The following RFX2 variants were observed in gnomAD, a reference collection of about 807,000 sequenced individuals.
The protein encoded by RFX2 is regulatory factor X2.
Under a neutral mutation model 87.8 loss-of-function variants are expected in RFX2, and 20 were observed. The observed-to-expected ratio is 0.23, with a 90% CI of 0.16 to 0.33. The LOEUF (loss-of-function observed/expected upper bound fraction) is 0.33, where lower values mean the gene tolerates loss of function less well. RFX2 is among the 10% of genes least tolerant of loss of function. The pLI, the probability that RFX2 is intolerant of heterozygous loss-of-function variation, is 1.00. For synonymous variants in RFX2, 397 were observed against 431.3 expected (o/e 0.92, Z 0.98); for missense variants, 767 against 1,012.3 (o/e 0.76, Z 3.29).
intron 1 of RFX2, among the ~76,000 whole-genome samples, chr19:6,075,656 G>A (rs72991069): frequency 0.019 from 2,907 of 152,246 alleles, 43 homozygotes; most frequent in Middle Eastern, 0.041. Context: ...GGAAGCCCGT[G>A]GTCTGGGGAG....
rs542965467 is a variant in RFX2, at chr19:5,998,388, A to C, written c.1860-1175T>G. On this transcript the variant is annotated intron_variant, in intron 15 of 17. Transcript: ENST00000303657. The surrounding 1 kb of genome is among the most constrained non-coding windows in gnomAD (Gnocchi z 4.2). ...CTTATATACAGTGGCACCTGATTAA[A>C]AACTTTGGCCTACAAGCCAGGCGGC... 4.1e-4 allele frequency among the ~76,000 whole-genome samples: 63 copies of C among 152,312 alleles called. No homozygotes were observed. Among genetic ancestry groups the C allele is most frequent in the African/African-American group, 1.5e-3 (61 of 41,562 alleles).
chr19:6,046,563 CAA>C (rs553142802), intron 2 of RFX2, among the ~76,000 whole-genome samples: 10 of 117,062 alleles, frequency 8.5e-5, no homozygotes, highest in Middle Eastern at 4.2e-3. Flanking sequence ...CGTCCCCCCC[CAA>C]AAAAAAAAAA....
In RFX2 at chr19:6,002,642, C is replaced by T. The variant is rs2288850; in HGVS notation, c.1650+79G>A. 5.3e-4 allele frequency: 828 copies of T among 1,557,258 alleles called. 9 individuals carry two copies. The East Asian group carries it at 0.014, about 26-fold the overall frequency. On this transcript the variant is annotated intron_variant, in intron 14 of 17. Coordinates refer to ENST00000303657, the MANE Select transcript of RFX2 (RefSeq NM_000635.4). This position sits in a 1 kb window ranked among gnomAD's most constrained non-coding sequence, Gnocchi z 6.7. ...TCGGGGCAGGGGCCAGGTTGTGCCA[C>T]GGGCTCCACTTGGTGGGTTTGCTGG...
chr19:6,098,112 G>A (rs966459304), intron 1 of RFX2, among the ~76,000 whole-genome samples: 1 of 152,030 alleles, frequency 6.6e-6, no homozygotes, highest in Admixed American at 6.6e-5. Context: ...TGAATGACTC[G>A]ATAAATGACG....
At position 6,016,024 on chromosome 19, in the gene RFX2, T is replaced by A. The variant is rs902618953; in HGVS notation, c.779+66A>T. On this transcript the variant is annotated intron_variant, in intron 7 of 17. Coordinates refer to ENST00000303657, the MANE Select transcript of RFX2 (RefSeq NM_000635.4). The surrounding 1 kb of genome is among the most constrained non-coding windows in gnomAD (Gnocchi z 5.4). ...GAAAGGAGGAGGAAGCCTCGCATTT[T>A]CCCAAAAGCTCCATTTCTTGGGAAA... The A allele has an allele frequency of 2.3e-5, 33 of 1,464,542 alleles. 3 individuals are homozygous for A. In the South Asian group the frequency reaches 4.5e-4, roughly 20 times the overall value. The allele number at this position is 1,464,542 out of a possible 1,614,324, so 90.7% of individuals were successfully genotyped here. A position where few individuals can be genotyped will look rare whatever the true frequency, so the allele number is the denominator to read the frequency against.
rs1401673673 is a variant in RFX2 at position 6,022,492 on chromosome 19, G to T, written c.597+3671C>A. Reference sequence around the variant, plus strand: ...CACCTCATGGTGACAGAGACTCGGTGAACCTGCTACGGGGTCCCGGTCGGC... The same window carrying T: ...CACCTCATGGTGACAGAGACTCGGTTAACCTGCTACGGGGTCCCGGTCGGC... On this transcript the variant is annotated intron_variant, in intron 6 of 17. Transcript: ENST00000303657. The surrounding 1 kb of genome is among the most constrained non-coding windows in gnomAD (Gnocchi z 6.2). Among the ~76,000 whole-genome samples, 1 of 152,256 alleles carries T rather than the reference G, an allele frequency of 6.6e-6. No homozygotes were observed. Among genetic ancestry groups the T allele is most frequent in the Non-Finnish European group, 1.5e-5 (1 of 68,050 alleles).
chr19:6,075,268 A>AAGGTGGAGG (rs1320952484), intron 1 of RFX2, among the ~76,000 whole-genome samples: 1 of 148,998 alleles, frequency 6.7e-6, no homozygotes, highest in African/African-American at 2.6e-5. Flanking sequence ...AGAGGAGGAG[A>AAGGTGGAGG]AGGTGGAGGA....
At chr19:6,037,299 AAAAAAAG>A (rs1162570501) in intron 5 of RFX2, among the ~76,000 whole-genome samples, 1 of 151,870 alleles carries the variant, frequency 6.6e-6, no homozygotes, top group African/African-American at 2.4e-5. Flanking sequence ...GAAAAAAAAA[AAAAAAAG>A]TGAGTTCAGC....
intron 4 of RFX2, among the ~76,000 whole-genome samples, chr19:6,041,583 C>T (rs943825599): frequency 2.0e-5 from 3 of 148,912 alleles, no homozygotes; most frequent in Non-Finnish European, 4.4e-5. Flanking sequence ...ACTGAGACTT[C>T]AGAATGAAGA....
In RFX2 at chr19:6,074,273, T is replaced by C. The variant is rs1453349687; in HGVS notation, c.-8-26769A>G. Among the ~76,000 whole-genome samples, 1 of 152,124 alleles carries C rather than the reference T, an allele frequency of 6.6e-6. No individual in the cohort carries two copies. The highest frequency in any genetic ancestry group is 1.5e-5 in the Non-Finnish European group (1 of 68,020). ...GGTGGAACATCAGGCGGGGTACAGATGCCACAGTGTGGAGGAAGCTCCTCC... is the reference window on the plus strand; with the variant it reads ...GGTGGAACATCAGGCGGGGTACAGACGCCACAGTGTGGAGGAAGCTCCTCC... On this transcript the variant is annotated intron_variant, in intron 1 of 17. Transcript: ENST00000303657. The surrounding 1 kb of genome is among the most constrained non-coding windows in gnomAD (Gnocchi z 5.2).
chr19:6,040,296 C>A lies in RFX2; in HGVS notation c.261-55G>T. 6.8e-7 allele frequency: 1 copy of A among 1,474,682 alleles called. No individual in the cohort carries two copies. The highest frequency in any genetic ancestry group is 1.4e-5 in the South Asian group (1 of 69,066). 91.3% of individuals were successfully genotyped at this position (1,474,682 alleles called of 1,614,324 possible). ...ACGCTGTCCCATTTAAATGCCTTGT[C>A]TGAGTTCACAGATATCCAGCCAAAC... On this transcript the variant is annotated intron_variant, in intron 4 of 17. Coordinates refer to ENST00000303657, the MANE Select transcript of RFX2 (RefSeq NM_000635.4). The surrounding 1 kb of genome is among the most constrained non-coding windows in gnomAD (Gnocchi z 6.1).
chr19:6,016,626 G>C lies in RFX2; in HGVS notation c.598-355C>G, dbSNP rs147345500. 1.3e-5 allele frequency among the ~76,000 whole-genome samples: 2 copies of C among 152,228 alleles called. No individual in the cohort carries two copies. Among genetic ancestry groups the C allele is most frequent in the Non-Finnish European group, 2.9e-5 (2 of 68,016 alleles). On this transcript the variant is annotated intron_variant, in intron 6 of 17. Transcript: ENST00000303657. This position sits in a 1 kb window ranked among gnomAD's most constrained non-coding sequence, Gnocchi z 5.4. ...GGCTGGTCTCAAACTACTGACCTCA[G>C]GTGATCCGCCTGCCTCAGCCTCCCA...
intron 16 of RFX2, among the ~76,000 whole-genome samples, 192 bp from the exon 17 acceptor site, chr19:5,995,835 G>A (rs1158227622): frequency 6.6e-5 from 10 of 152,194 alleles, no homozygotes; most frequent in South Asian, 2.1e-4. Context: ...TGTCCAGGCC[G>A]CCTCTGGGAG....
At position 6,064,478 on chromosome 19, in the gene RFX2, A is replaced by G. The variant is rs1009415296; in HGVS notation, c.-8-16974T>C. 5.9e-5 allele frequency among the ~76,000 whole-genome samples: 9 copies of G among 152,248 alleles called. No individual in the cohort carries two copies. The highest frequency in any genetic ancestry group is 1.9e-4 in the African/African-American group (8 of 41,466). ...CTCACCCTCTCCTGTCCCAGCTTCA[A>G]AATCTTTCAGAGCGACTCATGCTGC... is the stretch of plus-strand genomic sequence containing the variant. On this transcript the variant is annotated intron_variant, in intron 1 of 17. Coordinates refer to ENST00000303657, the MANE Select transcript of RFX2 (RefSeq NM_000635.4). The surrounding 1 kb of genome is among the most constrained non-coding windows in gnomAD (Gnocchi z 4.8).
chr19:6,096,951 C>T (rs1223887609), intron 1 of RFX2, among the ~76,000 whole-genome samples: 1 of 152,186 alleles, frequency 6.6e-6, no homozygotes, highest in Non-Finnish European at 1.5e-5. Flanking sequence ...GCACCATACC[C>T]TTCATCTAAG....
intron 1 of RFX2, among the ~76,000 whole-genome samples, chr19:6,085,430 AAG>A (rs1363497427): frequency 6.6e-6 from 1 of 152,280 alleles, no homozygotes; most frequent in Non-Finnish European, 1.5e-5. Flanking sequence ...TCTTTGAAGA[AAG>A]AGAAATATCT....
chr19:6,039,478 C>T lies in RFX2; in HGVS notation c.522+502G>A, dbSNP rs2087072025. Among the ~76,000 whole-genome samples the T allele has an allele frequency of 6.6e-6, 1 of 152,184 alleles. No individual in the cohort carries two copies. The highest frequency in any genetic ancestry group is 2.4e-5 in the African/African-American group (1 of 41,434). On this transcript the variant is annotated intron_variant, in intron 5 of 17. Transcript: ENST00000303657. The surrounding 1 kb of genome is among the most constrained non-coding windows in gnomAD (Gnocchi z 5.2). ...AGAAGGAAAATAAATGAAAAGTAAA[C>T]ACGGGTAATCGAGTTTTAAATGTAG...
At chr19:6,065,492 A>G (rs1190649657) in intron 1 of RFX2, among the ~76,000 whole-genome samples, 2 of 152,080 alleles carry the variant, frequency 1.3e-5, no homozygotes, top group East Asian at 3.9e-4. Context: ...TACAAATACA[A>G]AAAAATTAGC....
chr19:6,006,992 C>A lies in RFX2; in HGVS notation c.1402+20G>T. The A allele has an allele frequency of 6.2e-7, 1 of 1,612,222 alleles. No homozygotes were observed. Among genetic ancestry groups the A allele is most frequent in the Non-Finnish European group, 8.5e-7 (1 of 1,178,940 alleles). On this transcript the variant is annotated intron_variant, in intron 12 of 17. Transcript: ENST00000303657. ...GAAGAGAGGATGGAGCAGCGCCGGG[C>A]GGGGCCGTGGGTCACTTACTGGGGA...
Sources: allele counts gnomAD v4.1 joint callset (sites outside exome capture counted in the v4.1 genomes callset), GRCh38; gene constraint gnomAD v4.1.1; non-coding constraint Gnocchi (gnomAD v3.1); transcripts MANE v1.5; gene names NCBI Gene and HGNC (gene_info 2026-07-23, HGNC 2026-07-21).